The following LIN9 variants were observed in gnomAD, a reference collection of about 807,000 sequenced individuals.
LIN9 encodes protein lin-9 homolog.
A neutral mutation model predicts 78.0 loss-of-function variants in LIN9; 18 were observed. The ratio of observed to expected loss-of-function variants is 0.23; its 90% CI spans 0.16 to 0.34. LIN9 has a LOEUF of 0.34. Ranked by LOEUF, LIN9 falls within the 10% of genes least tolerant of loss-of-function variation. The probability of loss-of-function intolerance (pLI) is 1.00; values close to 1 mark genes in which losing one functional copy is unlikely to be tolerated. For missense variants in LIN9, 451 were observed against 644.1 expected (o/e 0.70, Z 3.25); for synonymous variants, 192 against 215.2 (o/e 0.89, Z 0.94).
intron 6 of LIN9, among the ~76,000 whole-genome samples, chr1:226,282,891 G>A (rs1661157492): frequency 6.6e-6 from 1 of 152,148 alleles, no homozygotes. Context: ...CCCATTATGA[G>A]TAAAATGGAA....
intron 6 of LIN9, among the ~76,000 whole-genome samples, chr1:226,281,981 G>A (rs568336571): frequency 4.6e-5 from 7 of 152,068 alleles, no homozygotes; most frequent in African/African-American, 1.4e-4. Context: ...GTTAACCACC[G>A]GCGCCCAGCC....
chr1:226,234,219 C>T lies in LIN9; in HGVS notation c.1246-696G>A, dbSNP rs189036881. On this transcript the variant is annotated intron_variant, in intron 12 of 14. Transcript: ENST00000681046. ...GATACTTTGAGGCTATGTAAACATC[C>T]TATTTGTCATCAAACTTTTACCTAC... 2.2e-3 allele frequency among the ~76,000 whole-genome samples: 342 copies of T among 152,280 alleles called. 14 individuals carry two copies. The highest frequency in any genetic ancestry group is 0.021 in the Admixed American group (318 of 15,282).
chr1:226,244,125 C>T (rs1340926349), intron 11 of LIN9, among the ~76,000 whole-genome samples: 1 of 151,428 alleles, frequency 6.6e-6, no homozygotes, highest in South Asian at 2.1e-4. Context: ...ATCCACCCAC[C>T]TCAGCCTCCC....
chr1:226,285,106 G>T (rs1414025066), intron 6 of LIN9, among the ~76,000 whole-genome samples: 1 of 152,136 alleles, frequency 6.6e-6, no homozygotes, highest in Non-Finnish European at 1.5e-5. Context: ...TATGGTAAGA[G>T]AATAGAAGAT....
At chr1:226,264,483 A>G (rs1275508501) in intron 10 of LIN9, among the ~76,000 whole-genome samples, 2 of 152,250 alleles carry the variant, frequency 1.3e-5, no homozygotes, top group Non-Finnish European at 2.9e-5. Flanking sequence ...CCTTTCCTCA[A>G]AATAACATCA....
At chr1:226,278,968 A>AC (rs1186871398) in intron 6 of LIN9, among the ~76,000 whole-genome samples, 5 of 151,440 alleles carry the variant, frequency 3.3e-5, no homozygotes, top group African/African-American at 4.8e-5. Context: ...AAAAAAAAAA[A>AC]AAAAACCAAA....
chr1:226,250,836 T>C lies in LIN9; in HGVS notation c.1119+3A>G. The C allele has an allele frequency of 2.1e-6, 3 of 1,450,866 alleles. No homozygotes were observed. Among genetic ancestry groups the C allele is most frequent in the Non-Finnish European group, 2.9e-6 (3 of 1,046,714 alleles). The allele number at this position is 1,450,866 out of a possible 1,614,324, so 89.9% of individuals were successfully genotyped here. On this transcript the variant is annotated splice_donor_region_variant and intron_variant, in intron 11 of 14. Coordinates refer to ENST00000681046, the MANE Select transcript of LIN9 (RefSeq NM_001366245.2). ...ATGAAGAAAAAAAAAGAGAAATTCT[T>C]ACCAATTTTTCTGCTTCTGTGTTCA...
chr1:226,299,535 A>G (rs1225328133), intron 2 of LIN9, among the ~76,000 whole-genome samples: 1 of 150,228 alleles, frequency 6.7e-6, no homozygotes, highest in East Asian at 1.9e-4. Context: ...CAGGGGGGAG[A>G]GAAATGAGTT....
At chr1:226,306,334 CAAAAG>C (rs953409351) in intron 1 of LIN9, among the ~76,000 whole-genome samples, 6 of 151,332 alleles carry the variant, frequency 4.0e-5, no homozygotes, top group African/African-American at 1.5e-4. Flanking sequence ...AAAAAAAAAA[CAAAAG>C]AAAAGAAAGA....
intron 10 of LIN9, among the ~76,000 whole-genome samples, chr1:226,253,265 C>A (rs1245027438): frequency 4.6e-3 from 547 of 118,126 alleles, no homozygotes; most frequent in Middle Eastern, 8.8e-3. Flanking sequence ...AACCCTGTCT[C>A]AAAAAAAAAA....
chr1:226,301,597 G>C (rs560727833), intron 1 of LIN9, among the ~76,000 whole-genome samples: 1 of 152,224 alleles, frequency 6.6e-6, no homozygotes, highest in East Asian at 1.9e-4. Context: ...TAATGGAGTG[G>C]AAAAAAACAG....
upstream of LIN9, chr1:226,309,415 G>C (rs977642448): frequency 3.1e-5 from 31 of 995,518 alleles, no homozygotes; most frequent in Non-Finnish European, 3.6e-5. Flanking sequence ...GGCGAGGCCC[G>C]GCGCCGGAGC....
intron 6 of LIN9, among the ~76,000 whole-genome samples, chr1:226,283,035 C>T (rs1425726845): frequency 1.3e-5 from 2 of 152,152 alleles, no homozygotes; most frequent in Admixed American, 1.3e-4. Flanking sequence ...CAGCTCACTG[C>T]AGTCTCAAGT....
At chr1:226,288,396 C>A (rs1661510506) in intron 4 of LIN9, among the ~76,000 whole-genome samples, 1 of 152,132 alleles carries the variant, frequency 6.6e-6, no homozygotes, top group Non-Finnish European at 1.5e-5. Flanking sequence ...CCTAGTATGA[C>A]AAAGATTTCA....
At chr1:226,287,938 T>A in intron 4 of LIN9, 141 bp from the exon 5 acceptor site, 1 of 616,438 alleles carries the variant, frequency 1.6e-6, no homozygotes. Context: ...CAACATGGAA[T>A]TTTGTTGCTG....
intron 12 of LIN9, among the ~76,000 whole-genome samples, chr1:226,235,409 T>C (rs1026657808): frequency 6.6e-6 from 1 of 151,868 alleles, no homozygotes; most frequent in South Asian, 2.1e-4. Flanking sequence ...TCAATGTTTA[T>C]TTAAATTTTG....
intron 11 of LIN9, among the ~76,000 whole-genome samples, chr1:226,239,433 C>T (rs185035304): frequency 3.3e-5 from 5 of 152,082 alleles, no homozygotes; most frequent in African/African-American, 1.2e-4. Context: ...GTTGTTAAAC[C>T]GTATGTCCTC....
chr1:226,266,277 G>A lies in LIN9; in HGVS notation c.872C>T (p.Pro291Leu). ...TGGTGGGGTCATAAAAAATCGAGAA[G>A]GCCGCTGTTTTTGTCCAAAGGCAGC... Reference protein sequence around the residue: ...PIAAFGQKQRPSRFFMTPPRL... With the variant: ...PIAAFGQKQRLSRFFMTPPRL... Residue 291 changes from proline (P) to leucine (L), a missense_variant, in exon 9 of 15, where the codon CCT (proline) becomes CTT (leucine). By Grantham distance (98) the Pro-to-Leu change is moderately conservative. Coordinates refer to ENST00000681046, the MANE Select transcript of LIN9 (RefSeq NM_001366245.2). 1.9e-6 allele frequency: 3 copies of A among 1,601,678 alleles called. No individual in the cohort carries two copies. The highest frequency in any genetic ancestry group is 2.3e-5 in the East Asian group (1 of 44,252).
In LIN9 at chr1:226,266,782, C is replaced by CT. The variant is rs200745559; in HGVS notation, c.817-451dup. Among the ~76,000 whole-genome samples, 171 of 141,462 alleles carry CT rather than the reference C, an allele frequency of 1.2e-3. 1 individual carries two copies. The highest frequency in any genetic ancestry group is 3.6e-3 in the Middle Eastern group (1 of 276). 92.8% of individuals were successfully genotyped at this position (141,462 alleles called of 152,430 possible). On this transcript the variant is annotated intron_variant, in intron 8 of 14. Coordinates refer to ENST00000681046, the MANE Select transcript of LIN9 (RefSeq NM_001366245.2). ...ATTAATGAAACAGAGAAGCAATTTA[C>CT]TTTTTTTTTTTTTTGAGACCGAGTT...
Sources: gnomAD v4.1 joint callset for allele counts (sites outside exome capture counted in the v4.1 genomes callset) on GRCh38, gnomAD v4.1.1 for gene constraint, MANE v1.5 for transcripts, NCBI Gene and HGNC (gene_info 2026-07-23, HGNC 2026-07-21) for gene names.